MYO1D: variants seen among roughly 807,000 people sequenced by gnomAD.
The protein encoded by MYO1D is unconventional myosin-Id.
In MYO1D, 83 loss-of-function variants were observed where a neutral mutation model predicts 122.0. That is an observed-to-expected ratio of 0.68 (90% confidence interval 0.57 to 0.82). MYO1D has a LOEUF of 0.82. Among genes scored for constraint, MYO1D ranks in the 40% least tolerant of loss-of-function variants. The pLI is 0.00. For synonymous variants in MYO1D, 464 were observed against 446.9 expected, an observed-to-expected ratio of 1.04 and a Z score of -0.48; for missense variants, 1,157 against 1,269.5, an observed-to-expected ratio of 0.91 and a Z score of 1.35.
chr17:32,678,253 TC>T (rs1030715889), intron 16 of MYO1D, among the ~76,000 whole-genome samples: 5 of 84,728 alleles, frequency 5.9e-5, no homozygotes, highest in East Asian at 4.1e-4. Context: ...AAAATATATT[TC>T]TTTTTTTTTT....
intron 16 of MYO1D, chr17:32,684,104 T>TCA: frequency 6.5e-6 from 1 of 152,878 alleles, no homozygotes; most frequent in African/African-American, 2.4e-5. Flanking sequence ...CTGCTTCGGC[T>TCA]CGCACACGGT....
At chr17:32,616,621 G>A (rs2087772705) in intron 20 of MYO1D, among the ~76,000 whole-genome samples, 1 of 152,002 alleles carries the variant, frequency 6.6e-6, no homozygotes, top group Non-Finnish European at 1.5e-5. Flanking sequence ...TGGTTGGCTG[G>A]TAAGTGCATT....
chr17:32,678,605 T>G (rs2088860652), intron 16 of MYO1D, among the ~76,000 whole-genome samples: 1 of 151,586 alleles, frequency 6.6e-6, no homozygotes, highest in Non-Finnish European at 1.5e-5. Flanking sequence ...TTTTTATGGC[T>G]GCATAGTATT....
Position 32,516,054 on chromosome 17 carries a change from C to T in MYO1D, c.2865-21139G>A, listed in dbSNP as rs534992369. On this transcript the variant is annotated intron_variant, in intron 21 of 21. Transcript: ENST00000318217. ...TTCTATCAATATGTTCTGCACACTT[C>T]CTAGCAGCTTTGCTTTTTCTATTCT... Among the ~76,000 whole-genome samples, 19 of 152,354 alleles carry T rather than the reference C, an allele frequency of 1.2e-4. No homozygotes were observed. The South Asian group carries it at 3.5e-3, about 28-fold the overall frequency.
chr17:32,861,059 G>A (rs1002544004), intron 1 of MYO1D, among the ~76,000 whole-genome samples: 1 of 151,076 alleles, frequency 6.6e-6, no homozygotes, highest in African/African-American at 2.4e-5. Context: ...GGCTGTATTG[G>A]TGTTTATTCT....
intron 1 of MYO1D, among the ~76,000 whole-genome samples, chr17:32,845,045 G>GA (rs1003773904): frequency 2.1e-4 from 29 of 139,968 alleles, no homozygotes; most frequent in East Asian, 6.1e-4. Context: ...CATACCAAAG[G>GA]AAAAAAAAAA....
intron 21 of MYO1D, among the ~76,000 whole-genome samples, chr17:32,540,256 G>A (rs1210625759): frequency 6.6e-6 from 1 of 150,672 alleles, no homozygotes; most frequent in Non-Finnish European, 1.5e-5. Flanking sequence ...CTTGAACTCA[G>A]GAGGGAGAGG....
At chr17:32,621,334 T>C (rs1313678559) in intron 20 of MYO1D, among the ~76,000 whole-genome samples, 5 of 152,082 alleles carry the variant, frequency 3.3e-5, no homozygotes, top group Admixed American at 2.6e-4. Context: ...TAGAACTTCA[T>C]GCTCACCTTT....
intron 5 of MYO1D, among the ~76,000 whole-genome samples, chr17:32,771,763 C>G (rs1053116957): frequency 1.3e-5 from 2 of 152,152 alleles, no homozygotes; most frequent in African/African-American, 4.8e-5. Context: ...TACTTTCACC[C>G]AAGTGGGAAG....
chr17:32,834,189 TATTA>T (rs1169723556), intron 1 of MYO1D, among the ~76,000 whole-genome samples: 1 of 152,206 alleles, frequency 6.6e-6, no homozygotes, highest in Non-Finnish European at 1.5e-5. Flanking sequence ...GCCTGATCAA[TATTA>T]ATTAAGTACA....
chr17:32,664,101 A>T (rs1210565521), intron 16 of MYO1D, among the ~76,000 whole-genome samples: 1 of 152,204 alleles, frequency 6.6e-6, no homozygotes, highest in Admixed American at 6.5e-5. Flanking sequence ...CTTAGGCTCT[A>T]TTTTTTAACA....
intron 1 of MYO1D, chr17:32,794,338 G>A (rs1006034427): frequency 5.3e-5 from 8 of 152,150 alleles, no homozygotes; most frequent in African/African-American, 1.9e-4. Context: ...GTGGTCAGGA[G>A]ATGCCTAGAT....
intron 8 of MYO1D, among the ~76,000 whole-genome samples, chr17:32,764,271 G>A (rs1021955474): frequency 3.3e-5 from 5 of 152,182 alleles, no homozygotes; most frequent in Admixed American, 6.5e-5. Flanking sequence ...CTAGAGGAGC[G>A]GGGTGGATGG....
intron 1 of MYO1D, among the ~76,000 whole-genome samples, chr17:32,838,368 A>T (rs188852109): frequency 6.6e-6 from 1 of 152,272 alleles, no homozygotes; most frequent in East Asian, 1.9e-4. Flanking sequence ...CTGCTTCTGG[A>T]CTGTCTTTTC....
At chr17:32,519,061 A>G (rs1260499609) in intron 21 of MYO1D, 1 of 152,376 alleles carries the variant, frequency 6.6e-6, no homozygotes, top group East Asian at 1.9e-4. Context: ...TCACCAAGTG[A>G]CACCGCTCCC....
In MYO1D at chr17:32,654,548, C is replaced by G. The variant is rs751046882; in HGVS notation, c.2419G>C (p.Val807Leu). Residue 807 changes from valine (V) to leucine (L), a missense_variant, in exon 18 of 22, where the codon GTG (valine) becomes CTG (leucine). Coordinates refer to ENST00000318217, the MANE Select transcript of MYO1D (RefSeq NM_015194.3). Reference protein sequence around the residue: ...LPQVRAKVAAVEMLKGQRADL... With the variant: ...LPQVRAKVAALEMLKGQRADL... ...GCCCTTTGACCCTTCAACATTTCCA[C>G]GGCTGCAACCTTTGCCCTGACCTGG... 14 of 1,614,004 alleles carry G rather than the reference C, an allele frequency of 8.7e-6. No homozygotes were observed. Among genetic ancestry groups the G allele is most frequent in the Admixed American group, 1.7e-5 (1 of 59,982 alleles).
intron 1 of MYO1D, among the ~76,000 whole-genome samples, chr17:32,833,988 T>C (rs1481864920): frequency 6.6e-6 from 1 of 152,142 alleles, no homozygotes; most frequent in African/African-American, 2.4e-5. Context: ...ACTTTGCTTC[T>C]TTATCATTAT....
At chr17:32,757,239 T>C (rs1237500493) in intron 10 of MYO1D, among the ~76,000 whole-genome samples, 1 of 152,172 alleles carries the variant, frequency 6.6e-6, no homozygotes, top group Non-Finnish European at 1.5e-5. Flanking sequence ...CTGGGTAGTT[T>C]TTACTTTGTT....
At chr17:32,645,608 AT>A (rs997265098) in intron 19 of MYO1D, among the ~76,000 whole-genome samples, 2 of 150,186 alleles carry the variant, frequency 1.3e-5, no homozygotes, top group African/African-American at 4.9e-5. Flanking sequence ...GTTTCTTTTT[AT>A]TTTTTTTTCT....
Sources: allele counts gnomAD v4.1 joint callset (sites outside exome capture counted in the v4.1 genomes callset), GRCh38; gene constraint gnomAD v4.1.1; transcripts MANE v1.5; gene names NCBI Gene and HGNC (gene_info 2026-07-23, HGNC 2026-07-21).